The following ZNF474 variants were observed in gnomAD, a reference collection of about 807,000 sequenced individuals.
The protein encoded by ZNF474 is zinc finger protein 474.
For synonymous variants in ZNF474, 192 were observed against 162.2 expected (o/e 1.18, Z -1.39); for missense variants, 511 against 433.8 (o/e 1.18, Z -1.58).
At chr5:122,136,878 T>A (rs747409344) in intron 1 of ZNF474, among the ~76,000 whole-genome samples, 2 of 152,196 alleles carry the variant, frequency 1.3e-5, no homozygotes, top group African/African-American at 2.4e-5. Flanking sequence ...CTCAGCTAGG[T>A]CAACATTAAA....
At chr5:122,133,496 A>G (rs1755628577) in intron 1 of ZNF474, among the ~76,000 whole-genome samples, 1 of 152,168 alleles carries the variant, frequency 6.6e-6, no homozygotes, top group South Asian at 2.1e-4. Flanking sequence ...TAAAATACCT[A>G]TTTCTTTTGA....
Position 122,152,823 on chromosome 5 carries a change from G to A in ZNF474, c.833G>A (p.Gly278Glu), listed in dbSNP as rs1756232189. The A allele has an allele frequency of 1.2e-6, 2 of 1,614,016 alleles. No individual in the cohort carries two copies. The highest frequency in any genetic ancestry group is 1.7e-5 in the Admixed American group (1 of 59,996). The change falls in exon 2 of 2, where the codon GGA (glycine) becomes GAA (glutamate). Residue 278 changes from glycine (G) to glutamate (E), a missense_variant. Physicochemically the swap from Gly to Glu is moderately conservative, Grantham distance 98. Coordinates refer to ENST00000296600, the MANE Select transcript of ZNF474 (RefSeq NM_207317.3). Reference protein sequence around the residue: ...PLPNAQSSQAGPNQAQLVFCP... With the variant: ...PLPNAQSSQAEPNQAQLVFCP... ...CCGAATGCACAGTCCAGCCAAGCGG[G>A]ACCAAATCAAGCTCAGCTTGTGTTC... is the stretch of plus-strand genomic sequence containing the variant.
In ZNF474 at chr5:122,152,427, G is replaced by C. The variant is rs1756211832; in HGVS notation, c.437G>C (p.Gly146Ala). Residue 146 changes from glycine to alanine, a missense_variant, in exon 2 of 2, where the codon GGG becomes GCG. Gly to Ala is a moderately conservative substitution (Grantham distance 60). Coordinates refer to ENST00000296600, the MANE Select transcript of ZNF474 (RefSeq NM_207317.3). ...PSKPQSLSSS[G>A]SYSLQATNEA... ...AAACCACAGTCTCTCAGCAGCAGTG[G>C]GTCCTACAGTCTTCAGGCAACTAAC... The C allele has an allele frequency of 6.2e-7, 1 of 1,614,116 alleles. No homozygotes were observed.
chr5:122,151,241 T>C (rs560567183), intron 1 of ZNF474, among the ~76,000 whole-genome samples: 1 of 152,348 alleles, frequency 6.6e-6, no homozygotes, highest in East Asian at 1.9e-4. Context: ...TCACCTGTGA[T>C]AGCAACAATT....
Position 122,152,515 on chromosome 5 carries a change from C to T in ZNF474, c.525C>T (p.Phe175=). ...CCTGTGAATCCTGTGGCCGCACATTCTTGCCAGATCATCTTCTTGTTCATC... is the reference window on the plus strand; with the variant it reads ...CCTGTGAATCCTGTGGCCGCACATTTTTGCCAGATCATCTTCTTGTTCATC... ...LLPCESCGRT[F]LPDHLLVHHR... is the part of the protein sequence containing the mutation. Residue 175 remains phenylalanine (F), a synonymous_variant, in exon 2 of 2, where the codon TTC becomes TTT. Coordinates refer to ENST00000296600, the MANE Select transcript of ZNF474 (RefSeq NM_207317.3). 1.2e-6 allele frequency: 2 copies of T among 1,614,224 alleles called. No individual in the cohort carries two copies. The highest frequency in any genetic ancestry group is 2.2e-5 in the South Asian group (2 of 91,084).
chr5:122,144,548 A>G (rs1004254054), intron 1 of ZNF474, among the ~76,000 whole-genome samples: 1 of 152,330 alleles, frequency 6.6e-6, no homozygotes, highest in South Asian at 2.1e-4. Context: ...CAATTTTAAA[A>G]TAACAGGAAC....
chr5:122,141,154 T>TTTGAA (rs1561439564), intron 1 of ZNF474, among the ~76,000 whole-genome samples: 1 of 40,534 alleles, frequency 2.5e-5, no homozygotes, highest in Admixed American at 3.2e-4. Context: ...TATTTTATTT[T>TTTGAA]ATTTTATTTT....
At chr5:122,144,319 C>T (rs1276621514) in intron 1 of ZNF474, among the ~76,000 whole-genome samples, 1 of 152,060 alleles carries the variant, frequency 6.6e-6, no homozygotes, top group East Asian at 1.9e-4. Context: ...AAAATGTCCC[C>T]ACAGGACACT....
chr5:122,133,925 G>A (rs992104969), intron 1 of ZNF474, among the ~76,000 whole-genome samples: 14 of 152,116 alleles, frequency 9.2e-5, no homozygotes, highest in African/African-American at 3.4e-4. Context: ...TTACCAACTG[G>A]ACCTTCATAT....
chr5:122,152,461 A>G lies in ZNF474; in HGVS notation c.471A>G (p.Ala157=). 1 of 1,614,170 alleles carries G rather than the reference A, an allele frequency of 6.2e-7. No individual in the cohort carries two copies. The highest frequency in any genetic ancestry group is 8.5e-7 in the Non-Finnish European group (1 of 1,180,018). ...GTCTTCAGGCAACTAACGAGGCTGC[A>G]TTTCAGAGTGCCCAGGCTCAGCTGC... ...SYSLQATNEA[A]FQSAQAQLLP... Residue 157 remains alanine, a synonymous_variant, in exon 2 of 2, where the codon GCA becomes GCG. Transcript: ENST00000296600.
intron 1 of ZNF474, among the ~76,000 whole-genome samples, chr5:122,140,105 T>C (rs555366679): frequency 9.8e-5 from 15 of 152,356 alleles, no homozygotes; most frequent in East Asian, 3.9e-4. Flanking sequence ...GACCCTGGAA[T>C]TGGAAACCCT....
At position 122,135,447 on chromosome 5, in the gene ZNF474, A is replaced by C. The variant is rs1755677529; in HGVS notation, c.-213+5764A>C. The stretch of plus-strand genomic sequence containing the variant: ...CAAATCAAAACTAAAACAAGATATC[A>C]TCTCATCTCAGGTAAAATGGATTTT... On this transcript the variant is annotated intron_variant, in intron 1 of 1. Coordinates refer to ENST00000296600, the MANE Select transcript of ZNF474 (RefSeq NM_207317.3). Among the ~76,000 whole-genome samples the C allele has an allele frequency of 2.0e-5, 3 of 152,198 alleles. No homozygotes were observed. In the South Asian group the frequency reaches 6.2e-4, roughly 32 times the overall value.
Position 122,152,776 on chromosome 5 carries a change from C to T in ZNF474, c.786C>T (p.Leu262=). ...TCCCTGTGGAGCTCCACCAGCCACT[C>T]CCACAGAAGCCTCAGCCCCTTCCGA... ...DRLPVELHQP[L]PQKPQPLPNA... Residue 262 remains leucine (L), a synonymous_variant, in exon 2 of 2, where the codon CTC becomes CTT. Coordinates refer to ENST00000296600, the MANE Select transcript of ZNF474 (RefSeq NM_207317.3). 3.1e-6 allele frequency: 5 copies of T among 1,614,174 alleles called. No individual in the cohort carries two copies. The highest frequency in any genetic ancestry group is 4.2e-6 in the Non-Finnish European group (5 of 1,180,036).
intron 1 of ZNF474, among the ~76,000 whole-genome samples, chr5:122,138,829 G>A (rs946254826): frequency 5.3e-5 from 8 of 152,068 alleles, no homozygotes; most frequent in African/African-American, 1.9e-4. Context: ...TGAACAATTG[G>A]AAGCAGAGTC....
chr5:122,149,076 C>G (rs530479129), intron 1 of ZNF474, among the ~76,000 whole-genome samples: 1 of 152,158 alleles, frequency 6.6e-6, no homozygotes, highest in African/African-American at 2.4e-5. Flanking sequence ...AAATACCACA[C>G]GTTCTCACTT....
rs1309909178 is a variant in ZNF474 at position 122,153,160 on chromosome 5, G to C, written c.*75G>C. ...TTTTTTCTATCAATGCCTTGTATCA[G>C]CCTCAAAGCAGCCTGTTCAAGTTAA... On this transcript the variant is annotated 3_prime_UTR_variant, in exon 2 of 2. Transcript: ENST00000296600. The C allele has an allele frequency of 6.6e-7, 1 of 1,526,130 alleles. No individual in the cohort carries two copies. The highest frequency in any genetic ancestry group is 8.8e-7 in the Non-Finnish European group (1 of 1,139,456). 94.5% of individuals were successfully genotyped at this position (1,526,130 alleles called of 1,614,324 possible). A position where few individuals can be genotyped will look rare whatever the true frequency, so the allele number is the denominator to read the frequency against.
rs140788192 is a variant in ZNF474, at chr5:122,152,091, C to T, written c.101C>T (p.Ser34Phe). 1 of 1,614,198 alleles carries T rather than the reference C, an allele frequency of 6.2e-7. No homozygotes were observed. Among genetic ancestry groups the T allele is most frequent in the African/African-American group, 1.3e-5 (1 of 75,064 alleles). Residue 34 changes from serine to phenylalanine, a missense_variant, in exon 2 of 2, where the codon TCT becomes TTT. Transcript: ENST00000296600. ...TFLINQAGLL[S>F]SDSYSSLSPE... ...CTTATCAACCAAGCTGGGCTTCTCT[C>T]TAGTGACTCCTATTCTAGCCTTTCC...
At chr5:122,140,508 C>A (rs1218247735) in intron 1 of ZNF474, among the ~76,000 whole-genome samples, 1 of 152,104 alleles carries the variant, frequency 6.6e-6, no homozygotes, top group Non-Finnish European at 1.5e-5. Context: ...ATAATGTCAT[C>A]AAACCTAAAA....
At chr5:122,139,672 A>C (rs908611606) in intron 1 of ZNF474, among the ~76,000 whole-genome samples, 4 of 152,208 alleles carry the variant, frequency 2.6e-5, no homozygotes, top group Admixed American at 1.3e-4. Context: ...GAACAAGTAG[A>C]TGAAAATCAG....
Sources: allele counts gnomAD v4.1 joint callset (sites outside exome capture counted in the v4.1 genomes callset), GRCh38; gene constraint gnomAD v4.1.1; transcripts MANE v1.5; gene names NCBI Gene and HGNC (gene_info 2026-07-23, HGNC 2026-07-21).